Variants in DNAJC1 observed in about 807,000 individuals in gnomAD.
DNAJC1 encodes the protein dnaJ homolog subfamily C member 1.
DNAJC1 carries 58 observed loss-of-function variants against 76.6 expected under a neutral mutation model. That is an observed-to-expected ratio of 0.76 (90% CI 0.61 to 0.94). The LOEUF is 0.94. Ranked by LOEUF, DNAJC1 falls within the 40% of genes least tolerant of loss-of-function variation. DNAJC1 has a pLI of 0.00. For missense variants in DNAJC1, 689 were observed against 677.3 expected, an observed-to-expected ratio of 1.02 and a Z score of -0.19; for synonymous variants, 258 against 267.9, an observed-to-expected ratio of 0.96 and a Z score of 0.36.
intron 10 of DNAJC1, among the ~76,000 whole-genome samples, chr10:21,765,897 G>A (rs1045843644): frequency 6.6e-6 from 1 of 152,106 alleles, no homozygotes; most frequent in African/African-American, 2.4e-5. Flanking sequence ...TATCCCAAAG[G>A]GCAGCTCTGC....
At chr10:21,766,863 G>A (rs1191937421) in intron 9 of DNAJC1, among the ~76,000 whole-genome samples, 4 of 151,680 alleles carry the variant, frequency 2.6e-5, no homozygotes, top group Middle Eastern at 3.2e-3. Context: ...CCAGCTACTC[G>A]GGAGGCTGAG....
In DNAJC1 at chr10:21,951,098, G is replaced by C. The variant is rs190623778; in HGVS notation, c.223-21957C>G. 5.2e-4 allele frequency among the ~76,000 whole-genome samples: 79 copies of C among 152,288 alleles called. 1 individual carries two copies. The highest frequency in any genetic ancestry group is 4.0e-3 in the Admixed American group (61 of 15,300). The stretch of plus-strand genomic sequence containing the variant: ...GCACTTTGGGAGGCCAAGGCAGGCG[G>C]ATCACAAAGTCAGGAGTTCGAGACC... On this transcript the variant is annotated intron_variant, in intron 1 of 11. Transcript: ENST00000376980.
intron 8 of DNAJC1, among the ~76,000 whole-genome samples, chr10:21,837,885 C>T (rs1200785351): frequency 1.0e-4 from 14 of 135,532 alleles, no homozygotes; most frequent in African/African-American, 2.8e-4. Flanking sequence ...GGGCAGCCCC[C>T]GCCCGGCCAG....
chr10:21,838,958 G>T (rs928770830), intron 8 of DNAJC1, among the ~76,000 whole-genome samples: 1 of 152,094 alleles, frequency 6.6e-6, no homozygotes, highest in Admixed American at 6.6e-5. Context: ...ACTCAAAACC[G>T]CTCAACTACA....
At chr10:21,947,073 T>C (rs1837517619) in intron 1 of DNAJC1, among the ~76,000 whole-genome samples, 1 of 152,184 alleles carries the variant, frequency 6.6e-6, no homozygotes, top group Non-Finnish European at 1.5e-5. Flanking sequence ...GAAAGAAGTA[T>C]ATTTTCTTTA....
At chr10:21,772,231 C>T (rs550806374) in intron 9 of DNAJC1, among the ~76,000 whole-genome samples, 2 of 146,294 alleles carry the variant, frequency 1.4e-5, no homozygotes, top group Admixed American at 6.8e-5. Context: ...CAAGGTAATA[C>T]TGCCATCATA....
Position 21,919,873 on chromosome 10 carries a change from A to G in DNAJC1, c.594T>C (p.Ser198=), listed in dbSNP as rs147329297. ...REKKKKTGSK[S]VDVSKLGASE... ...AAGCACCGAGTTTTGATACATCCAC[A>G]CTCTTGCTGCCAGTCTTTTTTTTCT... The change falls in exon 5 of 12, where the codon AGT becomes AGC. Residue 198 remains serine (S), a synonymous_variant. Coordinates refer to ENST00000376980, the MANE Select transcript of DNAJC1 (RefSeq NM_022365.4). 660 of 1,608,090 alleles carry G rather than the reference A, an allele frequency of 4.1e-4. No individual in the cohort carries two copies. The Middle Eastern group carries it at 6.3e-3, about 15-fold the overall frequency.
intron 9 of DNAJC1, among the ~76,000 whole-genome samples, chr10:21,797,577 A>G (rs908493695): frequency 1.3e-5 from 2 of 152,178 alleles, no homozygotes; most frequent in African/African-American, 2.4e-5. Context: ...CTAATCCCCA[A>G]TGCAAAAGTG....
chr10:21,804,062 C>G, intron 9 of DNAJC1: 1 of 617,138 alleles, frequency 1.6e-6, no homozygotes, highest in Non-Finnish European at 2.0e-6. Flanking sequence ...ACCAAGACTA[C>G]TCTAGTAAAT....
intron 8 of DNAJC1, among the ~76,000 whole-genome samples, chr10:21,871,848 T>C (rs1427215949): frequency 6.6e-6 from 1 of 151,838 alleles, no homozygotes; most frequent in Non-Finnish European, 1.5e-5. Flanking sequence ...TTGGACAGGC[T>C]GGTCTGGAGC....
chr10:21,823,130 G>GC (rs1005706993), intron 8 of DNAJC1, among the ~76,000 whole-genome samples: 4 of 152,058 alleles, frequency 2.6e-5, no homozygotes, highest in African/African-American at 9.7e-5. Flanking sequence ...ATTAATCTCT[G>GC]CCACTTCAAA....
intron 6 of DNAJC1, among the ~76,000 whole-genome samples, chr10:21,912,494 T>C (rs563470573): frequency 1.4e-4 from 22 of 152,314 alleles, no homozygotes; most frequent in African/African-American, 4.6e-4. Flanking sequence ...TCTTATGTTG[T>C]AAGGTCATTC....
intron 8 of DNAJC1, among the ~76,000 whole-genome samples, chr10:21,845,775 C>G (rs1180624902): frequency 6.6e-6 from 1 of 151,958 alleles, no homozygotes; most frequent in Non-Finnish European, 1.5e-5. Flanking sequence ...TAAAAAAACA[C>G]TCTGGTAATC....
chr10:21,826,679 T>C (rs1420094236), intron 8 of DNAJC1, among the ~76,000 whole-genome samples: 1 of 152,202 alleles, frequency 6.6e-6, no homozygotes, highest in Non-Finnish European at 1.5e-5. Context: ...AATTTTTCTA[T>C]ATACTATAAC....
intron 1 of DNAJC1, among the ~76,000 whole-genome samples, chr10:21,931,659 C>A (rs1005145776): frequency 6.6e-6 from 1 of 152,124 alleles, no homozygotes; most frequent in African/African-American, 2.4e-5. Context: ...TGGAACATGT[C>A]CACATAACTA....
intron 7 of DNAJC1, among the ~76,000 whole-genome samples, chr10:21,892,041 G>A (rs1344885096): frequency 6.6e-6 from 1 of 151,928 alleles, no homozygotes; most frequent in African/African-American, 2.4e-5. Context: ...GGGATTTAAG[G>A]GGAGGTAAGG....
At chr10:21,779,447 T>C (rs1834498824) in intron 9 of DNAJC1, among the ~76,000 whole-genome samples, 1 of 152,202 alleles carries the variant, frequency 6.6e-6, no homozygotes, top group Non-Finnish European at 1.5e-5. Flanking sequence ...CAATATCCGC[T>C]GTTCTGCAGC....
At chr10:21,772,271 CTTTTTTTTTTTT>C (rs398045895) in intron 9 of DNAJC1, among the ~76,000 whole-genome samples, 1 of 93,044 alleles carries the variant, frequency 1.1e-5, no homozygotes, top group African/African-American at 4.3e-5. Flanking sequence ...CACCCCTCTT[CTTTTTTTTTTTT>C]TTTTTTTTTT....
chr10:21,962,649 C>CTTTT (rs775112321), intron 1 of DNAJC1, among the ~76,000 whole-genome samples: 3 of 131,960 alleles, frequency 2.3e-5, no homozygotes, highest in South Asian at 2.5e-4. Context: ...TTTTCTTTTT[C>CTTTT]TTTTTTTTTT....
Sources: gnomAD v4.1 joint callset for allele counts (sites outside exome capture counted in the v4.1 genomes callset) on GRCh38, gnomAD v4.1.1 for gene constraint, MANE v1.5 for transcripts, NCBI Gene and HGNC (gene_info 2026-07-23, HGNC 2026-07-21) for gene names.